The following KDM4C variants were observed in gnomAD, a reference collection of about 807,000 sequenced individuals.
KDM4C encodes lysine demethylase 4C.
In KDM4C, 81 loss-of-function variants were observed where a neutral mutation model predicts 129.3. That is an observed-to-expected ratio of 0.63 (90% CI 0.52 to 0.75). KDM4C has a LOEUF of 0.75. Among genes scored for constraint, KDM4C ranks in the 30% least tolerant of loss-of-function variants. KDM4C has a pLI of 0.00. For missense variants in KDM4C, 1,457 were observed against 1,304.0 expected (o/e 1.12, Z -1.81); for synonymous variants, 573 against 456.1 (o/e 1.26, Z -3.26).
intron 5 of KDM4C, among the ~76,000 whole-genome samples, chr9:6,876,108 A>G (rs998539749): frequency 1.3e-5 from 2 of 152,152 alleles, no homozygotes; most frequent in Non-Finnish European, 2.9e-5. Flanking sequence ...AATTGTAATC[A>G]GCCTTTTATG....
intron 17 of KDM4C, among the ~76,000 whole-genome samples, chr9:7,052,909 G>GAGAGCGAGCGAGAGA (rs767668455): frequency 3.2e-4 from 32 of 100,188 alleles, no homozygotes; most frequent in Admixed American, 1.7e-3. Context: ...GAGCGAGCGA[G>GAGAGCGAGCGAGAGA]TGCCCAAGGG....
At chr9:7,055,167 G>T (rs966153744) in intron 17 of KDM4C, among the ~76,000 whole-genome samples, 1 of 152,132 alleles carries the variant, frequency 6.6e-6, no homozygotes, top group African/African-American at 2.4e-5. Context: ...ACAGAGCAAG[G>T]CTACGTCTCA....
intron 8 of KDM4C, among the ~76,000 whole-genome samples, chr9:6,903,093 G>T (rs972606757): frequency 4.0e-5 from 6 of 151,726 alleles, no homozygotes; most frequent in African/African-American, 1.2e-4. Context: ...TTTTTGATTC[G>T]ATTAAAAAAA....
At chr9:6,906,343 C>T (rs536190238) in intron 8 of KDM4C, among the ~76,000 whole-genome samples, 1 of 152,284 alleles carries the variant, frequency 6.6e-6, no homozygotes, top group East Asian at 1.9e-4. Context: ...TAAACCTCTC[C>T]AGGCAACACT....
intron 17 of KDM4C, among the ~76,000 whole-genome samples, chr9:7,052,374 GTAAA>G (rs2132586926): frequency 6.6e-6 from 1 of 152,258 alleles, no homozygotes; most frequent in South Asian, 2.1e-4. Flanking sequence ...TAGTCACTGA[GTAAA>G]TATTTATGAA....
chr9:7,144,269 G>C (rs941488748), intron 19 of KDM4C, among the ~76,000 whole-genome samples: 1 of 151,956 alleles, frequency 6.6e-6, no homozygotes, highest in African/African-American at 2.4e-5. Flanking sequence ...TACCATGCCC[G>C]GCCACTCCTC....
At chr9:6,752,836 TAAA>T, upstream of KDM4C, among the ~76,000 whole-genome samples, 1 of 152,290 alleles carries the variant, frequency 6.6e-6, no homozygotes, top group East Asian at 1.9e-4. Flanking sequence ...AAAATAGCAA[TAAA>T]ATATCTGTGT....
intron 15 of KDM4C, among the ~76,000 whole-genome samples, chr9:7,033,393 T>TA (rs1343074425): frequency 1.3e-5 from 2 of 152,194 alleles, no homozygotes; most frequent in Non-Finnish European, 2.9e-5. Flanking sequence ...TTTGAGGTAA[T>TA]AGATTTGGCT....
intron 19 of KDM4C, among the ~76,000 whole-genome samples, chr9:7,158,034 C>A (rs1157309934): frequency 6.6e-6 from 1 of 152,132 alleles, no homozygotes; most frequent in Non-Finnish European, 1.5e-5. Flanking sequence ...AATTTCAGAG[C>A]CTGTTATTGG....
intron 8 of KDM4C, among the ~76,000 whole-genome samples, chr9:6,948,844 C>T (rs1251190153): frequency 1.3e-5 from 2 of 152,140 alleles, no homozygotes; most frequent in Admixed American, 6.5e-5. Flanking sequence ...AAGAATTTTT[C>T]TTAGTACAGA....
chr9:6,949,754 A>G (rs1827772546), intron 8 of KDM4C, among the ~76,000 whole-genome samples: 1 of 152,228 alleles, frequency 6.6e-6, no homozygotes, highest in African/African-American at 2.4e-5. Flanking sequence ...AGGCAGGAGA[A>G]TCAGGCAGGG....
intron 17 of KDM4C, among the ~76,000 whole-genome samples, chr9:7,074,304 C>T (rs533731020): frequency 3.3e-5 from 5 of 152,198 alleles, no homozygotes; most frequent in African/African-American, 1.2e-4. Context: ...GCTAGGATTA[C>T]AGGCATGTGC....
chr9:6,880,299 T>C (rs764856464), intron 6 of KDM4C, among the ~76,000 whole-genome samples: 1 of 152,246 alleles, frequency 6.6e-6, no homozygotes, highest in Non-Finnish European at 1.5e-5. Context: ...GTTGACTGTT[T>C]AGTATTTCAT....
At chr9:6,737,549 A>G (rs1301000822) in intron 1 of KDM4C, among the ~76,000 whole-genome samples, 1 of 151,084 alleles carries the variant, frequency 6.6e-6, no homozygotes, top group African/African-American at 2.4e-5. Context: ...CTGTAATCCC[A>G]GTTACTTGGG....
At chr9:6,846,949 C>G (rs4609249) in intron 4 of KDM4C, among the ~76,000 whole-genome samples, 6 of 152,044 alleles carry the variant, frequency 3.9e-5, no homozygotes, top group African/African-American at 1.2e-4. Context: ...AGAAAAGCTC[C>G]GTGATTTTCC....
At chr9:7,071,707 A>C (rs1833218374) in intron 17 of KDM4C, among the ~76,000 whole-genome samples, 1 of 152,172 alleles carries the variant, frequency 6.6e-6, no homozygotes, top group Non-Finnish European at 1.5e-5. Flanking sequence ...TACGTCACAA[A>C]AGCCCTATGA....
intron 8 of KDM4C, among the ~76,000 whole-genome samples, chr9:6,911,064 T>C (rs547770720): frequency 3.7e-4 from 57 of 152,324 alleles, no homozygotes; most frequent in African/African-American, 1.3e-3. Flanking sequence ...AATTTGCTTA[T>C]CTTTATTTTA....
rs188992963 is a variant in KDM4C at position 6,991,201 on chromosome 9, C to A, written c.1786+677C>A. Among the ~76,000 whole-genome samples, 373 of 152,102 alleles carry A rather than the reference C, an allele frequency of 2.5e-3. 1 individual carries two copies. Among genetic ancestry groups the A allele is most frequent in the Admixed American group, 5.4e-3 (82 of 15,260 alleles). ...CTAAGTGATCCTCCTACCTCAGCCT[C>A]CCAAGCAGCTGGGACCACAAGCATG... On this transcript the variant is annotated intron_variant, in intron 12 of 21. Transcript: ENST00000381309.
intron 4 of KDM4C, among the ~76,000 whole-genome samples, chr9:6,826,806 G>A (rs192853102): frequency 1.5e-3 from 235 of 151,624 alleles, no homozygotes; most frequent in African/African-American, 5.4e-3. Context: ...GGTAGAGGTT[G>A]CAATGAGCTG....
Sources: allele counts gnomAD v4.1 joint callset (sites outside exome capture counted in the v4.1 genomes callset), GRCh38; gene constraint gnomAD v4.1.1; transcripts MANE v1.5; gene names NCBI Gene and HGNC (gene_info 2026-07-23, HGNC 2026-07-21).